The following ST7L variants were observed in gnomAD, a reference collection of about 807,000 sequenced individuals.
ST7L encodes suppression of tumorigenicity 7 like, also known as suppressor of tumorigenicity 7 protein-like.
Under a neutral mutation model 72.5 loss-of-function variants are expected in ST7L, and 57 were observed. The ratio of observed to expected loss-of-function variants is 0.79; its 90% CI spans 0.64 to 0.98. ST7L has a LOEUF of 0.98. Ranked by LOEUF, ST7L falls within the 50% of genes least tolerant of loss-of-function variation. The pLI, the probability that ST7L is intolerant of heterozygous loss-of-function variation, is 0.00. For missense variants in ST7L, 576 were observed against 672.2 expected (o/e 0.86, Z 1.58); for synonymous variants, 221 against 240.9 (o/e 0.92, Z 0.77).
chr1:112,617,907 A>C, intron 1 of ST7L: 1 of 1,027,406 alleles, frequency 9.7e-7, no homozygotes, highest in Non-Finnish European at 1.3e-6. Flanking sequence ...CAGAGATGCC[A>C]AATTAGCTCT....
chr1:112,585,253 T>C (rs765496096), intron 6 of ST7L, among the ~76,000 whole-genome samples: 11 of 152,146 alleles, frequency 7.2e-5, no homozygotes, highest in Non-Finnish European at 1.0e-4. Context: ...AATATCCTAG[T>C]TGTGATTATC....
At chr1:112,556,124 G>A (rs1659079897) in intron 11 of ST7L, 106 bp from the exon 12 acceptor site, 3 of 920,842 alleles carry the variant, frequency 3.3e-6, no homozygotes, top group Non-Finnish European at 4.4e-6. Context: ...GTGTTAGAAA[G>A]TTAAACTGAT....
intron 7 of ST7L, among the ~76,000 whole-genome samples, chr1:112,582,907 C>G (rs1664342906): frequency 6.6e-6 from 1 of 152,060 alleles, no homozygotes; most frequent in Non-Finnish European, 1.5e-5. Flanking sequence ...CAAAAAATGT[C>G]CAAAACAAAA....
chr1:112,566,297 C>CTTTTT (rs71084471), intron 11 of ST7L, among the ~76,000 whole-genome samples: 15 of 105,906 alleles, frequency 1.4e-4, no homozygotes, highest in Non-Finnish European at 1.9e-4. Flanking sequence ...TCTTCTTCTT[C>CTTTTT]TTTTTTTTTT....
chr1:112,605,675 G>T (rs1223111497), intron 3 of ST7L, among the ~76,000 whole-genome samples: 2 of 151,976 alleles, frequency 1.3e-5, no homozygotes, highest in African/African-American at 2.4e-5. Context: ...GGGCAACAGA[G>T]CAAGACTCTG....
At chr1:112,577,109 G>A (rs1351841101) in intron 10 of ST7L, 21 bp from the exon 11 acceptor site, 1 of 1,440,042 alleles carries the variant, frequency 6.9e-7, no homozygotes. Context: ...ACCACAAAAT[G>A]AAAAAATAAA....
intron 11 of ST7L, among the ~76,000 whole-genome samples, chr1:112,573,322 CG>C (rs34222982): frequency 0.2 from 26,529 of 134,948 alleles, 3,123 homozygotes; most frequent in East Asian, 0.46. Context: ...CACTCCAGCC[CG>C]GGCAGCAAGA....
intron 12 of ST7L, 28 bp from the exon 13 acceptor site, chr1:112,550,721 C>G (rs1657973843): frequency 6.4e-7 from 1 of 1,552,682 alleles, no homozygotes. Context: ...TGTGTTGATA[C>G]TCAATTCTGT....
At chr1:112,545,127 A>C (rs1343525045) in intron 13 of ST7L, among the ~76,000 whole-genome samples, 1 of 152,220 alleles carries the variant, frequency 6.6e-6, no homozygotes, top group Non-Finnish European at 1.5e-5. Flanking sequence ...GGGTATTAAA[A>C]CTCCTTATTG....
At chr1:112,581,465 C>T (rs1664107778) in intron 9 of ST7L, among the ~76,000 whole-genome samples, 1 of 150,124 alleles carries the variant, frequency 6.7e-6, no homozygotes, top group Non-Finnish European at 1.5e-5. Flanking sequence ...GTGGTGCAGT[C>T]ACAGCTCACT....
At chr1:112,572,687 G>A (rs1662339540) in intron 11 of ST7L, among the ~76,000 whole-genome samples, 1 of 151,916 alleles carries the variant, frequency 6.6e-6, no homozygotes, top group South Asian at 2.1e-4. Flanking sequence ...ACCAGTCTGG[G>A]CAACATGTGG....
At chr1:112,607,952 T>G (rs1668507216) in intron 3 of ST7L, among the ~76,000 whole-genome samples, 1 of 152,162 alleles carries the variant, frequency 6.6e-6, no homozygotes, top group Admixed American at 6.6e-5. Flanking sequence ...TAGCTAATAT[T>G]ATTGAATAAG....
chr1:112,570,622 T>C lies in ST7L; in HGVS notation c.1245+6364A>G, dbSNP rs928838139. 7 of 376,852 alleles carry C rather than the reference T, an allele frequency of 1.9e-5. No homozygotes were observed. The East Asian group carries it at 2.4e-4, about 13-fold the overall frequency. The allele number at this position is 376,852 out of a possible 1,614,324, so 23.3% of individuals were successfully genotyped here. A position where few individuals can be genotyped will look rare whatever the true frequency, so the allele number is the denominator to read the frequency against. On this transcript the variant is annotated intron_variant, in intron 11 of 14. Coordinates refer to ENST00000358039, the MANE Select transcript of ST7L (RefSeq NM_017744.5). ...ACTGTTCCTTAGGTTGAATAAGTTA[T>C]TGTGACTCACAATTGAAGTGTGAAG...
In ST7L at chr1:112,582,034, G is replaced by A. The variant is rs777522529; in HGVS notation, c.1027C>T (p.Gln343Ter). The part of the protein sequence containing the change: ...ENLLESLLEL[Q>*]AYPDVQAVLA... ...ACTGCCTGAACATCTGGATAGGCCT[G>A]TAATTCTAAAAGTGATTCTAAGAGA... is the stretch of plus-strand genomic sequence containing the variant. The change falls in exon 9 of 15, where the codon CAG (glutamine) becomes TAG (stop). Residue 343 changes from glutamine (Q) to a stop codon, truncating the protein, a stop_gained. Transcript: ENST00000358039. LOFTEE classifies it high-confidence loss of function. 1.2e-6 allele frequency: 2 copies of A among 1,613,384 alleles called. No individual in the cohort carries two copies. Among genetic ancestry groups the A allele is most frequent in the South Asian group, 2.2e-5 (2 of 91,048 alleles).
At chr1:112,566,291 C>CTTTTTTTTTTTTT (rs1557989059) in intron 11 of ST7L, among the ~76,000 whole-genome samples, 1 of 110,234 alleles carries the variant, frequency 9.1e-6, no homozygotes, top group African/African-American at 3.7e-5. Flanking sequence ...TCTTTTTCTT[C>CTTTTTTTTTTTTT]TTCTTCTTTT....
In ST7L at chr1:112,541,069, G is replaced by A. The variant is rs919204705; in HGVS notation, c.1629+882C>T. Among the ~76,000 whole-genome samples, 5 of 152,070 alleles carry A rather than the reference G, an allele frequency of 3.3e-5. No homozygotes were observed. The South Asian group carries it at 8.3e-4, about 25-fold the overall frequency. ...GGAGGCTGAGGCGGGCAGATCACTT[G>A]AGCCCAGGAGTTCAAGACCAGCCTG... On this transcript the variant is annotated intron_variant, in intron 14 of 14. Transcript: ENST00000358039.
At chr1:112,560,523 A>G (rs1344710253) in intron 11 of ST7L, among the ~76,000 whole-genome samples, 2 of 152,258 alleles carry the variant, frequency 1.3e-5, no homozygotes, top group African/African-American at 2.4e-5. Flanking sequence ...TATACAAATT[A>G]TAAGATTATT....
intron 5 of ST7L, among the ~76,000 whole-genome samples, chr1:112,592,088 CAA>C (rs879509468): frequency 1.1e-4 from 13 of 123,758 alleles, no homozygotes; most frequent in Admixed American, 8.1e-5. Context: ...TGTAAAAGGG[CAA>C]AAAAAAAAAA....
chr1:112,609,604 A>C (rs1461678586), intron 3 of ST7L, among the ~76,000 whole-genome samples: 3 of 151,888 alleles, frequency 2.0e-5, no homozygotes, highest in Non-Finnish European at 4.4e-5. Flanking sequence ...TGGGCAGATC[A>C]TGAGGTCAAG....
Sources: allele counts gnomAD v4.1 joint callset (sites outside exome capture counted in the v4.1 genomes callset), GRCh38; gene constraint gnomAD v4.1.1; transcripts MANE v1.5; gene names NCBI Gene and HGNC (gene_info 2026-07-23, HGNC 2026-07-21).